The following ZNF330 variants were observed in gnomAD, a reference collection of about 807,000 sequenced individuals.
The protein encoded by ZNF330 is zinc finger protein 330.
ZNF330 carries 31 observed loss-of-function variants against 45.5 expected under a neutral mutation model. The ratio of observed to expected loss-of-function variants is 0.68; its 90% CI spans 0.51 to 0.92. The LOEUF (loss-of-function observed/expected upper bound fraction) is 0.92. Among genes scored for constraint, ZNF330 ranks in the 40% least tolerant of loss-of-function variants. ZNF330 has a pLI of 0.00. For missense variants in ZNF330, 356 were observed against 387.4 expected (o/e 0.92, Z 0.68); for synonymous variants, 138 against 123.2 (o/e 1.12, Z -0.79).
chr4:141,223,111 G>C (rs909688607), intron 2 of ZNF330, among the ~76,000 whole-genome samples: 2 of 151,822 alleles, frequency 1.3e-5, no homozygotes, highest in African/African-American at 4.8e-5. Context: ...TACATGAATT[G>C]TTTAATGTAG....
chr4:141,228,459 G>C (rs72726261), intron 5 of ZNF330, among the ~76,000 whole-genome samples: 1 of 152,044 alleles, frequency 6.6e-6, no homozygotes, highest in South Asian at 2.1e-4. Flanking sequence ...ATCTCACTCC[G>C]TACCAGGTTA....
chr4:141,225,575 C>T (rs115982486), intron 4 of ZNF330, among the ~76,000 whole-genome samples: 119 of 151,438 alleles, frequency 7.9e-4, no homozygotes, highest in African/African-American at 2.7e-3. Context: ...GGGGTATGCT[C>T]ATTTAAGTGT....
At chr4:141,230,295 C>G (rs367614532) in intron 7 of ZNF330, 25 bp downstream of exon 7, 24 of 1,411,418 alleles carry the variant, frequency 1.7e-5, no homozygotes, top group Non-Finnish European at 2.4e-5. Flanking sequence ...ATTAGATGTT[C>G]TTTATACCCA....
intron 6 of ZNF330, 104 bp downstream of exon 6, chr4:141,229,801 TA>T (rs1427166038): frequency 7.2e-7 from 1 of 1,379,934 alleles, no homozygotes; most frequent in Middle Eastern, 1.8e-4. Flanking sequence ...CTGTCAATCC[TA>T]ACTACTGGTA....
intron 2 of ZNF330, among the ~76,000 whole-genome samples, chr4:141,223,099 C>T (rs925988099): frequency 1.3e-5 from 2 of 152,156 alleles, no homozygotes; most frequent in African/African-American, 4.8e-5. Flanking sequence ...TTTTGTCAAA[C>T]ATACATGAAT....
rs2111242395 is a variant in ZNF330, at chr4:141,220,998, G to A, written c.-117G>A. ...TTCCCGGAGTCCTGGTCCACGAGTT[G>A]GATTTACTGCTGTCGCGGGTGGGCC... is the stretch of plus-strand genomic sequence containing the variant. On this transcript the variant is annotated 5_prime_UTR_variant, in exon 1 of 10. Transcript: ENST00000262990. The A allele has an allele frequency of 6.6e-6, 1 of 152,484 alleles. No homozygotes were observed. The highest frequency in any genetic ancestry group is 1.5e-5 in the Non-Finnish European group (1 of 68,128). The allele number at this position is 152,484 out of a possible 1,614,324, so 9.4% of individuals were successfully genotyped here. A position where few individuals can be genotyped will look rare whatever the true frequency, so the allele number is the denominator to read the frequency against.
chr4:141,229,508 G>C (rs1728895546), intron 5 of ZNF330, 63 bp from the exon 6 acceptor site: 3 of 1,602,994 alleles, frequency 1.9e-6, no homozygotes, highest in South Asian at 2.2e-5. Flanking sequence ...GGTTGCCGTG[G>C]TTAAAGAATG....
rs1728660156 is a variant in ZNF330, at chr4:141,220,989, C to G, written c.-126C>G. 6.6e-6 allele frequency: 1 copy of G among 152,370 alleles called. No homozygotes were observed. The highest frequency in any genetic ancestry group is 2.1e-4 in the South Asian group (1 of 4,838). The allele number at this position is 152,370 out of a possible 1,614,324, so 9.4% of individuals were successfully genotyped here. On this transcript the variant is annotated 5_prime_UTR_variant, in exon 1 of 10. Coordinates refer to ENST00000262990, the MANE Select transcript of ZNF330 (RefSeq NM_014487.6). ...GTACCTTCTTTCCCGGAGTCCTGGT[C>G]CACGAGTTGGATTTACTGCTGTCGC...
chr4:141,232,907 A>AT (rs61541095), intron 9 of ZNF330, among the ~76,000 whole-genome samples: 51,938 of 151,132 alleles, frequency 0.34, 10,460 homozygotes, highest in East Asian at 0.61. Flanking sequence ...ATAAAGAGTG[A>AT]TTTTTTTTTA....
intron 1 of ZNF330, among the ~76,000 whole-genome samples, chr4:141,221,960 CA>C (rs561574179): frequency 1.1e-4 from 17 of 152,090 alleles, no homozygotes; most frequent in Non-Finnish European, 2.1e-4. Flanking sequence ...ATATATAGCT[CA>C]AAAAAGTGAT....
intron 5 of ZNF330, 61 bp downstream of exon 5, chr4:141,226,907 A>G (rs1409575648): frequency 1.5e-6 from 2 of 1,335,092 alleles, no homozygotes; most frequent in Non-Finnish European, 2.1e-6. Flanking sequence ...TGTCATTCTG[A>G]TCAGTGGTTA....
At chr4:141,228,872 G>C (rs915722573) in intron 5 of ZNF330, among the ~76,000 whole-genome samples, 34 of 152,062 alleles carry the variant, frequency 2.2e-4, no homozygotes, top group East Asian at 1.2e-3. Flanking sequence ...AGGAAAGATT[G>C]TCTGATCCTA....
intron 9 of ZNF330, among the ~76,000 whole-genome samples, chr4:141,233,103 G>A (rs1359311127): frequency 6.6e-6 from 1 of 152,046 alleles, no homozygotes; most frequent in Non-Finnish European, 1.5e-5. Context: ...TGGTTTTTAT[G>A]TAACTTTTTT....
intron 7 of ZNF330, 91 bp downstream of exon 7, chr4:141,230,361 T>C (rs1354000001): frequency 1.5e-6 from 1 of 671,172 alleles, no homozygotes; most frequent in African/African-American, 1.8e-5. Flanking sequence ...AGTTTTTTTA[T>C]ACTGCTTCTC....
chr4:141,229,938 G>A (rs527964607), intron 6 of ZNF330, among the ~76,000 whole-genome samples: 1 of 152,140 alleles, frequency 6.6e-6, no homozygotes, highest in Non-Finnish European at 1.5e-5. Context: ...AGCATTGTGA[G>A]TGTTATATGG....
intron 7 of ZNF330, among the ~76,000 whole-genome samples, chr4:141,231,139 G>A (rs1025691446): frequency 1.1e-4 from 17 of 152,006 alleles, no homozygotes; most frequent in South Asian, 4.1e-4. Flanking sequence ...CACACAATGT[G>A]TATGCATGTG....
Position 141,222,383 on chromosome 4 carries a change from A to C in ZNF330, c.12A>C (p.Lys4Asn). The C allele has an allele frequency of 6.2e-7, 1 of 1,613,134 alleles. No individual in the cohort carries two copies. The highest frequency in any genetic ancestry group is 8.5e-7 in the Non-Finnish European group (1 of 1,179,618). ...CAAAATAGGGGAAAATGCCTAAAAA[A>C]AAGACTGGTGCGAGGAAGAAGGCTG... MPK[K>N]KTGARKKAEN... The change falls in exon 2 of 10, where the codon AAA becomes AAC. Residue 4 changes from lysine (K) to asparagine (N), a missense_variant. Lys to Asn is a moderately conservative substitution (Grantham distance 94). Transcript: ENST00000262990.
chr4:141,232,464 C>T (rs1728981292), intron 8 of ZNF330, 61 bp from the exon 9 acceptor site: 12 of 922,842 alleles, frequency 1.3e-5, no homozygotes, highest in Non-Finnish European at 1.7e-5. Flanking sequence ...ACACTGAATA[C>T]TGTCTTTTTG....
chr4:141,227,665 T>C (rs1728844673), intron 5 of ZNF330, among the ~76,000 whole-genome samples: 1 of 152,152 alleles, frequency 6.6e-6, no homozygotes, highest in Non-Finnish European at 1.5e-5. Context: ...GTGGTACCTT[T>C]CTAATATCTC....
Sources: gnomAD v4.1 joint callset for allele counts (sites outside exome capture counted in the v4.1 genomes callset) on GRCh38, gnomAD v4.1.1 for gene constraint, MANE v1.5 for transcripts, NCBI Gene and HGNC (gene_info 2026-07-23, HGNC 2026-07-21) for gene names.